C4orf51: variants seen among roughly 807,000 people sequenced by gnomAD.
C4orf51 encodes the protein chromosome 4 open reading frame 51.
C4orf51 carries 25 observed loss-of-function variants against 25.2 expected under a neutral mutation model. That is an observed-to-expected ratio of 0.99 (90% CI 0.72 to 1.39). The LOEUF is 1.39. C4orf51 is among the 40% of genes most tolerant of loss of function. The pLI is 0.00. For synonymous variants in C4orf51, 100 were observed against 84.5 expected (o/e 1.18, Z -1.01); for missense variants, 252 against 239.6 (o/e 1.05, Z -0.34).
At chr4:145,727,990 A>T (rs1045032949) in intron 3 of C4orf51, among the ~76,000 whole-genome samples, 2 of 133,966 alleles carry the variant, frequency 1.5e-5, no homozygotes, top group South Asian at 2.2e-4. Flanking sequence ...CATTATATAT[A>T]ATATATTATA....
intron 1 of C4orf51, among the ~76,000 whole-genome samples, chr4:145,746,390 A>G (rs1244900888): frequency 1.3e-5 from 2 of 152,142 alleles, no homozygotes; most frequent in Non-Finnish European, 1.5e-5. Flanking sequence ...TGATTTTTGT[A>G]TATAGTGAGA....
At chr4:145,720,366 C>T (rs1731663406) in intron 2 of C4orf51, among the ~76,000 whole-genome samples, 1 of 152,134 alleles carries the variant, frequency 6.6e-6, no homozygotes, top group Non-Finnish European at 1.5e-5. Context: ...CAGGAAGACT[C>T]TCACTTCTCA....
chr4:145,695,495 A>G (rs1410355753), intron 1 of C4orf51, among the ~76,000 whole-genome samples: 1 of 152,170 alleles, frequency 6.6e-6, no homozygotes, highest in African/African-American at 2.4e-5. Flanking sequence ...TGTCAGATGC[A>G]TAGCCTGCAA....
intron 2 of C4orf51, among the ~76,000 whole-genome samples, chr4:145,722,096 A>G (rs748477794): frequency 6.6e-6 from 1 of 152,210 alleles, no homozygotes; most frequent in Non-Finnish European, 1.5e-5. Context: ...AAAAAGACAG[A>G]TAAATGGACT....
At position 145,742,532 on chromosome 4, in the gene C4orf51, GTTTTTTTTTT is replaced by G. The variant is rs141147414; in HGVS notation, n.167+9929_167+9938del. ...TACACGACAGCATTTTCTTTTTCTT[GTTTTTTTTTT>G]TTTTTTTTTTTTTTTGAGACAGAGT... On this transcript the variant is annotated intron_variant and non_coding_transcript_variant, in intron 1 of 1. Coordinates refer to the C4orf51 transcript ENST00000508981. 5.1e-3 allele frequency among the ~76,000 whole-genome samples: 540 copies of G among 105,030 alleles called. 3 individuals are homozygous for G. The highest frequency in any genetic ancestry group is 0.02 in the African/African-American group (502 of 24,564). The allele number at this position is 105,030 out of a possible 152,430, so 68.9% of individuals were successfully genotyped here.
intron 1 of C4orf51, among the ~76,000 whole-genome samples, chr4:145,689,277 GTTACC>G (rs923116974): frequency 6.6e-6 from 1 of 151,984 alleles, no homozygotes; most frequent in Admixed American, 6.6e-5. Flanking sequence ...TAAATTTTGA[GTTACC>G]TTAAAATTAA....
chr4:145,724,880 CAAA>C lies in C4orf51; in HGVS notation c.308-2010_308-2008del, dbSNP rs1222983724. ...CCTGGGTGGCAGAGCAAGACTGTCT[CAAA>C]AAAAAAAAAAAAAAAAAAAAGAAAG... On this transcript the variant is annotated intron_variant, in intron 2 of 5. Coordinates refer to ENST00000438731, the MANE Select transcript of C4orf51 (RefSeq NM_001080531.3). Among the ~76,000 whole-genome samples, 131 of 68,296 alleles carry C rather than the reference CAAA, an allele frequency of 1.9e-3. 1 individual carries two copies. The highest frequency in any genetic ancestry group is 7.0e-3 in the African/African-American group (123 of 17,652). 44.8% of individuals were successfully genotyped at this position (68,296 alleles called of 152,430 possible). A position where few individuals can be genotyped will look rare whatever the true frequency, so the allele number is the denominator to read the frequency against.
chr4:145,696,009 GCTCATGC>G (rs1282086389), intron 1 of C4orf51, among the ~76,000 whole-genome samples: 1 of 152,216 alleles, frequency 6.6e-6, no homozygotes, highest in Non-Finnish European at 1.5e-5. Context: ...AGGCGCAGTG[GCTCATGC>G]CTGTAATCCC....
intron 1 of C4orf51, among the ~76,000 whole-genome samples, chr4:145,684,560 C>T (rs1000408731): frequency 1.3e-5 from 2 of 152,144 alleles, no homozygotes; most frequent in African/African-American, 2.4e-5. Flanking sequence ...GATAACATTA[C>T]GCACCTATCA....
intron 2 of C4orf51, among the ~76,000 whole-genome samples, chr4:145,701,962 T>C (rs976078155): frequency 2.6e-5 from 4 of 151,734 alleles, no homozygotes; most frequent in Admixed American, 1.3e-4. Context: ...CTTCCTCTCA[T>C]ATCCCCCCAC....
intron 1 of C4orf51, among the ~76,000 whole-genome samples, chr4:145,740,240 C>CAAAAAAAAAAAAAAAAAAAAAAA (rs60310006): frequency 9.5e-6 from 1 of 104,802 alleles, no homozygotes; most frequent in African/African-American, 4.1e-5. Flanking sequence ...TCCCTTTCTG[C>CAAAAAAAAAAAAAAAAAAAAAAA]AAAAAAAAAA....
chr4:145,742,595 A>C (rs1733162867), intron 1 of C4orf51, among the ~76,000 whole-genome samples: 1 of 133,710 alleles, frequency 7.5e-6, no homozygotes, highest in South Asian at 2.3e-4. Context: ...GCTGGAGTGC[A>C]GTGGCACGAT....
At chr4:145,755,388 C>T (rs760875609), downstream of C4orf51, among the ~76,000 whole-genome samples, 11 of 152,188 alleles carry the variant, frequency 7.2e-5, no homozygotes, top group Admixed American at 6.5e-4. Flanking sequence ...TGAATTGAAG[C>T]AGATTCTCTG....
the C4orf51 span, chr4:145,779,292 C>T: frequency 1.3e-6 from 2 of 1,519,580 alleles, no homozygotes; most frequent in Non-Finnish European, 1.8e-6. Flanking sequence ...TAATGCCTCT[C>T]TTAGAGAAAC....
At position 145,761,604 on chromosome 4, in the gene C4orf51, G is replaced by A. The variant is rs529353462; in HGVS notation, n.167-9384G>A. The A allele has an allele frequency of 1.0e-4, 127 of 1,248,164 alleles. 1 individual carries two copies. The highest frequency in any genetic ancestry group is 2.9e-4 in the Admixed American group (12 of 41,634). 77.3% of individuals were successfully genotyped at this position (1,248,164 alleles called of 1,614,324 possible). On this transcript the variant is annotated intron_variant and non_coding_transcript_variant, in intron 1 of 1. Coordinates refer to the C4orf51 transcript ENST00000510096. This position sits in a 1 kb window ranked among gnomAD's most constrained non-coding sequence, Gnocchi z 6.8. ...AATAAATGCAGAATGGGCACCTGCCGGGGAAAGCAACGCAAGGGAGGTTCA... is the reference window on the plus strand; with the variant it reads ...AATAAATGCAGAATGGGCACCTGCCAGGGAAAGCAACGCAAGGGAGGTTCA...
intron 1 of C4orf51, among the ~76,000 whole-genome samples, chr4:145,680,747 A>G (rs6537365): frequency 0.41 from 62,847 of 151,916 alleles, 14,333 homozygotes; most frequent in African/African-American, 0.61. Context: ...TGAGAATTTC[A>G]TTTTGTTTCT....
At chr4:145,717,130 A>G (rs548174921) in intron 2 of C4orf51, among the ~76,000 whole-genome samples, 47 of 152,298 alleles carry the variant, frequency 3.1e-4, no homozygotes, top group South Asian at 8.3e-4. Flanking sequence ...TAACTTTGCT[A>G]ATCACCTGTG....
At chr4:145,729,368 C>A in intron 4 of C4orf51, 139 bp downstream of exon 4, 2 of 543,276 alleles carry the variant, frequency 3.7e-6, no homozygotes, top group Non-Finnish European at 6.2e-6. Context: ...GTGGCGCGAT[C>A]TCGGCTCACT....
chr4:145,698,518 G>A (rs1156662205), intron 2 of C4orf51, among the ~76,000 whole-genome samples: 2 of 152,160 alleles, frequency 1.3e-5, no homozygotes, highest in East Asian at 3.8e-4. Context: ...AGGAATGTCT[G>A]GGTTTTGATA....
Sources: allele counts gnomAD v4.1 joint callset (sites outside exome capture counted in the v4.1 genomes callset), GRCh38; gene constraint gnomAD v4.1.1; non-coding constraint Gnocchi (gnomAD v3.1); transcripts MANE v1.5; gene names NCBI Gene and HGNC (gene_info 2026-07-23, HGNC 2026-07-21).